The following NLGN1 variants were observed in gnomAD, a reference collection of about 807,000 sequenced individuals.
The protein encoded by NLGN1 is neuroligin-1.
A neutral mutation model predicts 65.5 loss-of-function variants in NLGN1; 12 were observed. The ratio of observed to expected loss-of-function variants is 0.18; its 90% confidence interval spans 0.12 to 0.30. The LOEUF (loss-of-function observed/expected upper bound fraction) is 0.30. Ranked by LOEUF, NLGN1 falls within the 10% of genes least tolerant of loss-of-function variation. NLGN1 has a pLI of 1.00. For missense variants in NLGN1, 750 were observed against 1,007.1 expected (o/e 0.74, Z 3.46); for synonymous variants, 350 against 359.5 (o/e 0.97, Z 0.30).
chr3:173,427,973 T>TA (rs1447931510), intron 1 of NLGN1, among the ~76,000 whole-genome samples: 3 of 151,840 alleles, frequency 2.0e-5, no homozygotes, highest in Non-Finnish European at 4.4e-5. Context: ...ATATTTGCTT[T>TA]ATATATTTTT....
At chr3:174,272,442 A>AACTT (rs745338937) in intron 4 of NLGN1, among the ~76,000 whole-genome samples, 2 of 151,764 alleles carry the variant, frequency 1.3e-5, no homozygotes, top group African/African-American at 2.4e-5. Context: ...TTGTGCCTTT[A>AACTT]ACTTACCCAC....
intron 2 of NLGN1, among the ~76,000 whole-genome samples, chr3:173,505,559 C>T (rs946445797): frequency 3.3e-5 from 5 of 152,056 alleles, no homozygotes; most frequent in African/African-American, 1.2e-4. Flanking sequence ...TTCAGTATAT[C>T]AAGCTCCTTG....
intron 4 of NLGN1, among the ~76,000 whole-genome samples, chr3:174,051,040 C>A (rs188861393): frequency 6.6e-6 from 1 of 152,144 alleles, no homozygotes; most frequent in East Asian, 1.9e-4. Context: ...AAACAAGAGG[C>A]CTCCAGCTCC....
intron 3 of NLGN1, among the ~76,000 whole-genome samples, chr3:173,719,074 A>G (rs1424599456): frequency 6.6e-6 from 1 of 152,172 alleles, no homozygotes; most frequent in Non-Finnish European, 1.5e-5. Flanking sequence ...TTGTTCAGCC[A>G]TATTGATCCA....
chr3:173,750,324 C>G (rs538014459), intron 3 of NLGN1, among the ~76,000 whole-genome samples: 2 of 152,162 alleles, frequency 1.3e-5, no homozygotes, highest in South Asian at 2.1e-4. Flanking sequence ...CAACACTTTC[C>G]TCATGGCTTA....
At chr3:173,519,955 C>T (rs1417640129) in intron 2 of NLGN1, among the ~76,000 whole-genome samples, 6 of 152,016 alleles carry the variant, frequency 3.9e-5, no homozygotes, top group African/African-American at 1.2e-4. Context: ...GGAGGTGGGA[C>T]CTGGTAGAAT....
Position 173,819,485 on chromosome 3 carries a change from C to G in NLGN1, c.646+11653C>G, listed in dbSNP as rs117824601. ...TACCTTCTATTGGTTTCTGAGGAAGCCTTTTCAGGCAGGCCATGCTAGACT... is the reference window on the plus strand; with the variant it reads ...TACCTTCTATTGGTTTCTGAGGAAGGCTTTTCAGGCAGGCCATGCTAGACT... On this transcript the variant is annotated intron_variant, in intron 4 of 6. Coordinates refer to ENST00000457714, the Ensembl canonical transcript of NLGN1. 2.4e-3 allele frequency among the ~76,000 whole-genome samples: 373 copies of G among 152,280 alleles called. 11 individuals carry two copies. The East Asian group carries it at 0.058, about 24-fold the overall frequency.
chr3:174,116,473 G>A (rs2152632476), intron 4 of NLGN1, among the ~76,000 whole-genome samples: 1 of 151,512 alleles, frequency 6.6e-6, no homozygotes, highest in East Asian at 1.9e-4. Context: ...GAGTAGCTGG[G>A]ATTACAAGTA....
chr3:173,847,438 C>T (rs553652756), intron 4 of NLGN1, among the ~76,000 whole-genome samples: 3 of 151,984 alleles, frequency 2.0e-5, no homozygotes, highest in Non-Finnish European at 4.4e-5. Context: ...ATCAAGTGCT[C>T]AATTCTTCAG....
intron 4 of NLGN1, among the ~76,000 whole-genome samples, chr3:174,194,546 A>T (rs1477088205): frequency 6.6e-6 from 1 of 152,082 alleles, no homozygotes; most frequent in Middle Eastern, 3.2e-3. Flanking sequence ...AGATATTTAG[A>T]TTATAGTCTA....
chr3:173,536,361 C>G (rs2149202881), intron 2 of NLGN1, among the ~76,000 whole-genome samples: 1 of 152,284 alleles, frequency 6.6e-6, no homozygotes, highest in East Asian at 1.9e-4. Flanking sequence ...TCCCAGCTCC[C>G]AGCTTCCATT....
intron 2 of NLGN1, among the ~76,000 whole-genome samples, chr3:173,544,885 G>T (rs1198402620): frequency 6.6e-6 from 1 of 151,980 alleles, no homozygotes; most frequent in Non-Finnish European, 1.5e-5. Context: ...GGAGGGAGAG[G>T]TATCACAAAA....
At chr3:173,526,570 A>G (rs1033367884) in intron 2 of NLGN1, among the ~76,000 whole-genome samples, 4 of 152,108 alleles carry the variant, frequency 2.6e-5, no homozygotes, top group South Asian at 2.1e-4. Context: ...TGGGGTATCT[A>G]TTGCTTCAAG....
chr3:173,663,685 G>A (rs940024048), intron 3 of NLGN1, among the ~76,000 whole-genome samples: 19 of 152,068 alleles, frequency 1.2e-4, no homozygotes, highest in African/African-American at 4.6e-4. Context: ...TGGTAGCTGA[G>A]CTGGGAACAG....
In NLGN1 at chr3:174,223,590, T is replaced by C. The variant is rs532756022; in HGVS notation, c.647-51725T>C. The stretch of plus-strand genomic sequence containing the variant: ...CCCTGGCAACTCTCAAATCAGTGTG[T>C]GCAGCTGAATGTCTTTTCCTGACTT... On this transcript the variant is annotated intron_variant, in intron 4 of 6. Transcript: ENST00000457714. Among the ~76,000 whole-genome samples, 8 of 152,318 alleles carry C rather than the reference T, an allele frequency of 5.3e-5. No homozygotes were observed. The East Asian group carries it at 1.5e-3, about 29-fold the overall frequency.
At chr3:173,825,522 T>C (rs2150560049) in intron 4 of NLGN1, among the ~76,000 whole-genome samples, 1 of 152,128 alleles carries the variant, frequency 6.6e-6, no homozygotes, top group East Asian at 1.9e-4. Flanking sequence ...ATTCTATTTT[T>C]CCCACAGTAT....
chr3:173,707,156 C>T (rs886270861), intron 3 of NLGN1, among the ~76,000 whole-genome samples: 3 of 152,136 alleles, frequency 2.0e-5, no homozygotes, highest in African/African-American at 7.2e-5. Flanking sequence ...TTTTTTAAAT[C>T]CACAGATACT....
At chr3:173,615,872 G>A (rs1752980402) in intron 3 of NLGN1, among the ~76,000 whole-genome samples, 1 of 80,884 alleles carries the variant, frequency 1.2e-5, no homozygotes, top group South Asian at 5.5e-4. Flanking sequence ...AAAATGAACA[G>A]CTGATGTTCT....
chr3:174,233,085 A>C (rs1335095477), intron 4 of NLGN1, among the ~76,000 whole-genome samples: 1 of 152,188 alleles, frequency 6.6e-6, no homozygotes, highest in East Asian at 1.9e-4. Flanking sequence ...TTACAGACAG[A>C]AGGGTGCTCT....
Sources: allele counts gnomAD v4.1 joint callset (sites outside exome capture counted in the v4.1 genomes callset), GRCh38; gene constraint gnomAD v4.1.1; transcripts MANE v1.5; gene names NCBI Gene and HGNC (gene_info 2026-07-23, HGNC 2026-07-21).